Variants in RAPGEF2 observed in about 807,000 individuals in gnomAD.
RAPGEF2 encodes the protein Rap guanine nucleotide exchange factor 2.
RAPGEF2 carries 54 observed loss-of-function variants against 186.7 expected under a neutral mutation model. That is an observed-to-expected ratio of 0.29 (90% CI 0.23 to 0.36). The LOEUF is 0.36. Ranked by LOEUF, RAPGEF2 falls within the 10% of genes least tolerant of loss-of-function variation. The pLI is 1.00. For synonymous variants in RAPGEF2, 712 were observed against 705.9 expected (o/e 1.01, Z -0.14); for missense variants, 1,532 against 2,045.0 (o/e 0.75, Z 4.84).
Position 159,350,252 on chromosome 4 carries a change from T to G in RAPGEF2, c.3828T>G (p.Ser1276=). 1 of 1,599,862 alleles carries G rather than the reference T, an allele frequency of 6.3e-7. No individual in the cohort carries two copies. The highest frequency in any genetic ancestry group is 8.5e-7 in the Non-Finnish European group (1 of 1,173,832). Residue 1276 remains serine, a synonymous_variant, in exon 26 of 30, where the codon TCT becomes TCG. Coordinates refer to ENST00000691494, the MANE Select transcript of RAPGEF2 (RefSeq NM_001394067.2). ...TATCAAATGCATCTTCGCAGCTTTC[T>G]TCTCCTCCTACTTCTCCACAGAGTT... ...DTISNASSQL[S]SPPTSPQSSP...
intron 7 of RAPGEF2, among the ~76,000 whole-genome samples, chr4:159,255,390 C>G (rs1022013039): frequency 6.6e-6 from 1 of 151,364 alleles, no homozygotes; most frequent in Non-Finnish European, 1.5e-5. Context: ...TTTGTGCTGC[C>G]TTCAGTCTTT....
chr4:159,165,274 T>C (rs536171088), intron 1 of RAPGEF2, among the ~76,000 whole-genome samples: 41 of 152,178 alleles, frequency 2.7e-4, no homozygotes, highest in Non-Finnish European at 4.4e-4. Flanking sequence ...CTTTATAAAA[T>C]AGAACATTAA....
intron 7 of RAPGEF2, among the ~76,000 whole-genome samples, chr4:159,248,785 C>G (rs531157303): frequency 2.6e-5 from 4 of 152,288 alleles, no homozygotes; most frequent in East Asian, 3.9e-4. Flanking sequence ...ATTTCTCATG[C>G]TATTAACAGC....
chr4:159,300,378 T>TA (rs1762508719), intron 7 of RAPGEF2, among the ~76,000 whole-genome samples: 1 of 151,816 alleles, frequency 6.6e-6, no homozygotes, highest in African/African-American at 2.4e-5. Flanking sequence ...GTGGTGTTTT[T>TA]TAGGACTATA....
chr4:159,122,098 AAGT>A (rs1425813027), intron 1 of RAPGEF2, among the ~76,000 whole-genome samples: 3 of 151,778 alleles, frequency 2.0e-5, no homozygotes, highest in Non-Finnish European at 4.4e-5. Flanking sequence ...TATTATGAAA[AAGT>A]AGGTATGTCA....
intron 2 of RAPGEF2, among the ~76,000 whole-genome samples, chr4:159,191,678 G>A (rs1393759985): frequency 6.6e-6 from 1 of 152,156 alleles, no homozygotes; most frequent in African/African-American, 2.4e-5. Flanking sequence ...GGTGGAGGTT[G>A]CAGTGAGCTG....
At chr4:159,306,780 T>TA (rs1164918499) in intron 8 of RAPGEF2, among the ~76,000 whole-genome samples, 3 of 152,156 alleles carry the variant, frequency 2.0e-5, no homozygotes, top group Admixed American at 1.3e-4. Flanking sequence ...AAGTTTTTCT[T>TA]ATTAAAGTCC....
At chr4:159,147,149 CT>C (rs1743036991) in intron 1 of RAPGEF2, among the ~76,000 whole-genome samples, 1 of 152,042 alleles carries the variant, frequency 6.6e-6, no homozygotes, top group African/African-American at 2.4e-5. Context: ...TTCTTTTTAT[CT>C]GAAACTAAAC....
chr4:159,329,428 CTG>C (rs1766364553), intron 11 of RAPGEF2: 1 of 152,610 alleles, frequency 6.6e-6, no homozygotes, highest in Non-Finnish European at 1.5e-5. Flanking sequence ...CTTTGAGTGT[CTG>C]TATCTTTCAT....
intron 1 of RAPGEF2, among the ~76,000 whole-genome samples, chr4:159,132,760 A>G (rs1258294810): frequency 6.6e-6 from 1 of 152,040 alleles, no homozygotes; most frequent in Non-Finnish European, 1.5e-5. Flanking sequence ...TTCTTTTGGT[A>G]GTTGAAAGTT....
At chr4:159,113,286 A>G (rs1738692726) in intron 1 of RAPGEF2, among the ~76,000 whole-genome samples, 1 of 152,236 alleles carries the variant, frequency 6.6e-6, no homozygotes, top group Admixed American at 6.5e-5. Flanking sequence ...TGTAGATGCT[A>G]AATTACGGGA....
At chr4:159,256,148 G>T (rs1756131604) in intron 7 of RAPGEF2, among the ~76,000 whole-genome samples, 1 of 152,104 alleles carries the variant, frequency 6.6e-6, no homozygotes, top group South Asian at 2.1e-4. Context: ...GTGCCATGGT[G>T]GTTTGCCGTA....
chr4:159,191,731 C>T (rs1186967743), intron 2 of RAPGEF2, among the ~76,000 whole-genome samples: 1 of 151,878 alleles, frequency 6.6e-6, no homozygotes, highest in Non-Finnish European at 1.5e-5. Context: ...GAGTGAGACT[C>T]CATCTCAAAA....
intron 7 of RAPGEF2, chr4:159,267,102 G>A (rs1244013393): frequency 2.5e-6 from 3 of 1,180,914 alleles, no homozygotes; most frequent in East Asian, 1.2e-4. Context: ...GAGGGTGAGA[G>A]AGAAATCCAC....
chr4:159,347,113 AT>A, intron 25 of RAPGEF2, 115 bp downstream of exon 25: 1 of 982,692 alleles, frequency 1.0e-6, no homozygotes. Context: ...TTTCTCTGTA[AT>A]TATTAGCTCC....
intron 7 of RAPGEF2, among the ~76,000 whole-genome samples, chr4:159,249,514 C>T (rs1561143998): frequency 6.6e-6 from 1 of 151,776 alleles, no homozygotes; most frequent in East Asian, 1.9e-4. Context: ...GGACAAAACT[C>T]TAGCATTTTA....
chr4:159,131,023 AATAGCATGTTT>A (rs1222668207), intron 1 of RAPGEF2, among the ~76,000 whole-genome samples: 1 of 150,968 alleles, frequency 6.6e-6, no homozygotes, highest in Admixed American at 6.6e-5. Context: ...TACCTTTTTA[AATAGCATGTTT>A]TACTCTCCAG....
At chr4:159,215,264 C>T (rs1201906814) in intron 4 of RAPGEF2, among the ~76,000 whole-genome samples, 4 of 152,036 alleles carry the variant, frequency 2.6e-5, no homozygotes, top group African/African-American at 9.7e-5. Context: ...CCTCAACCTC[C>T]TAGGCTTAAC....
chr4:159,256,569 G>A (rs1756191614), intron 7 of RAPGEF2, among the ~76,000 whole-genome samples: 1 of 152,174 alleles, frequency 6.6e-6, no homozygotes, highest in African/African-American at 2.4e-5. Context: ...ACCCAGTAAT[G>A]GGATTGCTGG....
Sources: allele counts gnomAD v4.1 joint callset (sites outside exome capture counted in the v4.1 genomes callset), GRCh38; gene constraint gnomAD v4.1.1; transcripts MANE v1.5; gene names NCBI Gene and HGNC (gene_info 2026-07-23, HGNC 2026-07-21).